Variants in POU2AF2 observed in about 807,000 individuals in gnomAD.
POU2AF2 encodes POU class 2 homeobox associating factor 2.
the POU2AF2 span, among the ~76,000 whole-genome samples, chr11:111,266,954 G>T: frequency 6.6e-6 from 1 of 152,086 alleles, no homozygotes; most frequent in East Asian, 1.9e-4. Flanking sequence ...AGGCCCTCCT[G>T]CTCAGCTCTC....
At chr11:111,254,350 A>G in the POU2AF2 span, among the ~76,000 whole-genome samples, 62 of 152,380 alleles carry the variant, frequency 4.1e-4, no homozygotes, top group South Asian at 2.7e-3. Context: ...TTTTGCTGAA[A>G]TAAGGCTGCA....
chr11:111,276,453 A>AAAAAATATATATATATAT, the POU2AF2 span, among the ~76,000 whole-genome samples: 24 of 37,580 alleles, frequency 6.4e-4, no homozygotes, highest in South Asian at 2.3e-3. Flanking sequence ...AAAAAAAAAA[A>AAAAAATATATATATATAT]ATATATATAT....
the POU2AF2 span, among the ~76,000 whole-genome samples, chr11:111,276,448 A>AT: frequency 1.9e-5 from 1 of 52,810 alleles, no homozygotes; most frequent in African/African-American, 6.5e-5. Flanking sequence ...AGAAAAAAAA[A>AT]AAAAAATATA....
At chr11:111,267,307 G>A in the POU2AF2 span, among the ~76,000 whole-genome samples, 2 of 152,048 alleles carry the variant, frequency 1.3e-5, no homozygotes, top group Non-Finnish European at 2.9e-5. Flanking sequence ...ACCACTCCTG[G>A]ACCCCCTGGC....
the POU2AF2 span, among the ~76,000 whole-genome samples, chr11:111,256,373 A>G: frequency 6.6e-6 from 1 of 152,122 alleles, no homozygotes; most frequent in Non-Finnish European, 1.5e-5. Context: ...GCCCTTTTTG[A>G]AAGAGTTTTC....
the POU2AF2 span, chr11:111,284,270 T>A: frequency 1.2e-6 from 2 of 1,613,982 alleles, no homozygotes; most frequent in Non-Finnish European, 1.7e-6. Context: ...CTACGGAGAC[T>A]ACCGGCCTCC....
At chr11:111,252,107 A>G in the POU2AF2 span, among the ~76,000 whole-genome samples, 1 of 152,234 alleles carries the variant, frequency 6.6e-6, no homozygotes, top group South Asian at 2.1e-4. Context: ...CTGCAAATAT[A>G]CAAAGGATCC....
the POU2AF2 span, among the ~76,000 whole-genome samples, chr11:111,278,614 C>T: frequency 6.6e-6 from 1 of 151,932 alleles, no homozygotes; most frequent in African/African-American, 2.4e-5. Context: ...CAGTGAGAAG[C>T]CAGCTTTCTG....
At chr11:111,283,626 A>G in the POU2AF2 span, among the ~76,000 whole-genome samples, 6 of 152,178 alleles carry the variant, frequency 3.9e-5, no homozygotes, top group African/African-American at 1.2e-4. Flanking sequence ...GTGGGGTTAT[A>G]TGTGTTACCT....
the POU2AF2 span, chr11:111,284,267 G>A: frequency 6.8e-6 from 11 of 1,613,898 alleles, no homozygotes; most frequent in Admixed American, 3.3e-5. Flanking sequence ...GCCCTACGGA[G>A]ACTACCGGCC....
At chr11:111,273,518 A>G in the POU2AF2 span, among the ~76,000 whole-genome samples, 1 of 152,236 alleles carries the variant, frequency 6.6e-6, no homozygotes, top group Non-Finnish European at 1.5e-5. Context: ...TATGATTATT[A>G]TTACTTAAGC....
the POU2AF2 span, among the ~76,000 whole-genome samples, chr11:111,267,455 G>A: frequency 1.3e-5 from 2 of 152,146 alleles, no homozygotes; most frequent in Admixed American, 1.3e-4. Flanking sequence ...CTACTCACAT[G>A]ACCCATTTCT....
the POU2AF2 span, among the ~76,000 whole-genome samples, chr11:111,246,799 A>G: frequency 6.6e-6 from 1 of 152,186 alleles, no homozygotes; most frequent in Non-Finnish European, 1.5e-5. Context: ...CTATCATGTC[A>G]CTTAGTTACT....
At chr11:111,278,558 C>CTG in the POU2AF2 span, among the ~76,000 whole-genome samples, 4 of 41,702 alleles carry the variant, frequency 9.6e-5, no homozygotes, top group African/African-American at 4.9e-4. Context: ...CTCTCTCTGT[C>CTG]TCTCTCTCTC....
At chr11:111,277,304 C>A in the POU2AF2 span, among the ~76,000 whole-genome samples, 7 of 152,228 alleles carry the variant, frequency 4.6e-5, 1 homozygote, top group African/African-American at 1.7e-4. Flanking sequence ...ATCCACTAGA[C>A]CTTTAATTGT....
chr11:111,279,918 G>A, the POU2AF2 span, among the ~76,000 whole-genome samples: 1 of 151,246 alleles, frequency 6.6e-6, no homozygotes, highest in African/African-American at 2.4e-5. Context: ...GTGCGTGCCT[G>A]TAATCCCAGC....
At chr11:111,259,392 T>G in the POU2AF2 span, among the ~76,000 whole-genome samples, 1 of 149,786 alleles carries the variant, frequency 6.7e-6, no homozygotes, top group African/African-American at 2.5e-5. Flanking sequence ...CTCGGCTCAC[T>G]GCAACCTCTG....
At chr11:111,257,815 G>A in the POU2AF2 span, among the ~76,000 whole-genome samples, 2 of 152,178 alleles carry the variant, frequency 1.3e-5, no homozygotes, top group African/African-American at 4.8e-5. Context: ...CACCTGGGGT[G>A]TGTGATAAAA....
chr11:111,280,338 G>T, the POU2AF2 span, among the ~76,000 whole-genome samples: 78 of 152,222 alleles, frequency 5.1e-4, 1 homozygote, highest in South Asian at 1.5e-3. Context: ...CTAAGTGCAT[G>T]TATGCACATA....
Sources: allele counts gnomAD v4.1 joint callset (sites outside exome capture counted in the v4.1 genomes callset), GRCh38; gene constraint gnomAD v4.1.1; transcripts MANE v1.5; gene names NCBI Gene and HGNC (gene_info 2026-07-23, HGNC 2026-07-21).